The following WDTC1 variants were observed in gnomAD, a reference collection of about 807,000 sequenced individuals.
WDTC1 encodes the protein WD and tetratricopeptide repeats protein 1.
WDTC1 carries 12 observed loss-of-function variants against 76.0 expected under a neutral mutation model. The observed-to-expected ratio is 0.16, with a 90% CI of 0.10 to 0.26. WDTC1 has a LOEUF of 0.26. Among genes scored for constraint, WDTC1 ranks in the 10% least tolerant of loss-of-function variants. The pLI, the probability that WDTC1 is intolerant of heterozygous loss-of-function variation, is 1.00. For missense variants in WDTC1, 511 were observed against 908.8 expected, an observed-to-expected ratio of 0.56 and a Z score of 5.63; for synonymous variants, 326 against 350.8, an observed-to-expected ratio of 0.93 and a Z score of 0.79.
rs1430425549 is a variant in WDTC1 at position 27,298,083 on chromosome 1, C to G, written c.1204C>G (p.Arg402Gly). The G allele has an allele frequency of 6.2e-7, 1 of 1,612,104 alleles. No homozygotes were observed. The highest frequency in any genetic ancestry group is 8.5e-7 in the Non-Finnish European group (1 of 1,178,812). The change falls in exon 12 of 16, where the codon CGA becomes GGA. Residue 402 changes from arginine (R) to glycine (G), a missense_variant. Physicochemically the swap from Arg to Gly is moderately radical, Grantham distance 125. Coordinates refer to ENST00000319394, the MANE Select transcript of WDTC1 (RefSeq NM_001276252.2). ...TCACAATGCCATGCTTTATGGAAAC[C>G]GAGCAGCAGCCTACATGAAGCGCAA... The part of the protein sequence containing the change: ...APHNAMLYGN[R>G]AAAYMKRKWD...
chr1:27,244,844 A>G (rs922568719), intron 1 of WDTC1, among the ~76,000 whole-genome samples: 2 of 152,192 alleles, frequency 1.3e-5, no homozygotes, highest in Admixed American at 6.6e-5. Flanking sequence ...CGTCTCTGCT[A>G]TGGGAGGTAG....
Position 27,267,316 on chromosome 1 carries a change from G to A in WDTC1, c.132+4081G>A, listed in dbSNP as rs577766756. Among the ~76,000 whole-genome samples, 7 of 150,382 alleles carry A rather than the reference G, an allele frequency of 4.7e-5. No individual in the cohort carries two copies. The South Asian group carries it at 8.4e-4, about 18-fold the overall frequency. On this transcript the variant is annotated intron_variant, in intron 3 of 15. Transcript: ENST00000319394. ...AGGCTGTGGTGCAGTGGCCAATCTC[G>A]TCTCAGTGCAACCTCGCCTCCTGGG...
At chr1:27,263,895 A>G (rs927346372) in intron 3 of WDTC1, among the ~76,000 whole-genome samples, 1 of 152,096 alleles carries the variant, frequency 6.6e-6, no homozygotes, top group African/African-American at 2.4e-5. Context: ...ATACATATAC[A>G]TATACATATA....
At chr1:27,264,730 C>G (rs1358447721) in intron 3 of WDTC1, among the ~76,000 whole-genome samples, 2 of 152,088 alleles carry the variant, frequency 1.3e-5, no homozygotes, top group Non-Finnish European at 2.9e-5. Context: ...TCAAACAGGT[C>G]TCTCACCTTG....
intron 1 of WDTC1, among the ~76,000 whole-genome samples, chr1:27,248,780 C>A (rs2011936934): frequency 6.6e-6 from 1 of 152,122 alleles, no homozygotes; most frequent in Non-Finnish European, 1.5e-5. Context: ...CCACCTCAGC[C>A]TCCCAAGTAG....
At chr1:27,268,826 T>C (rs2012761881) in intron 3 of WDTC1, among the ~76,000 whole-genome samples, 1 of 151,608 alleles carries the variant, frequency 6.6e-6, no homozygotes, top group Non-Finnish European at 1.5e-5. Flanking sequence ...GTGATTCTCC[T>C]GCCTCAGCCT....
At chr1:27,250,218 T>C (rs2011994541) in intron 1 of WDTC1, among the ~76,000 whole-genome samples, 1 of 152,156 alleles carries the variant, frequency 6.6e-6, no homozygotes, top group African/African-American at 2.4e-5. Context: ...TAAGAGTCTC[T>C]CTGTATCCTC....
intron 3 of WDTC1, 55 bp downstream of exon 3, chr1:27,263,290 C>G: frequency 1.3e-6 from 2 of 1,558,460 alleles, no homozygotes. Flanking sequence ...CATTCTCTGC[C>G]TGCAGAAATC....
chr1:27,255,318 G>GC (rs1386027341), intron 1 of WDTC1: 1 of 152,104 alleles, frequency 6.6e-6, no homozygotes, highest in Non-Finnish European at 1.5e-5. Context: ...ATGGACTTTG[G>GC]AATCACATGG....
chr1:27,290,574 G>A (rs1423813490), intron 6 of WDTC1, among the ~76,000 whole-genome samples: 2 of 152,172 alleles, frequency 1.3e-5, no homozygotes, highest in African/African-American at 4.8e-5. Flanking sequence ...ATATACCTGG[G>A]AGGGGGCAAG....
At chr1:27,294,880 T>C (rs111978663) in intron 9 of WDTC1, among the ~76,000 whole-genome samples, 21 of 152,242 alleles carry the variant, frequency 1.4e-4, no homozygotes, top group Non-Finnish European at 2.5e-4. Flanking sequence ...GTTAAGAATA[T>C]AGGCTTTGGA....
chr1:27,256,678 AG>A (rs1162324719), intron 1 of WDTC1, among the ~76,000 whole-genome samples: 1 of 152,186 alleles, frequency 6.6e-6, no homozygotes, highest in African/African-American at 2.4e-5. Flanking sequence ...CCTTCCTGCT[AG>A]AATGTAAGTA....
At chr1:27,290,228 C>T (rs571338442) in intron 6 of WDTC1, among the ~76,000 whole-genome samples, 3 of 152,006 alleles carry the variant, frequency 2.0e-5, no homozygotes, top group Non-Finnish European at 2.9e-5. Flanking sequence ...ACTACAGACA[C>T]GCTCCACCAT....
chr1:27,237,707 C>T (rs1226608361), intron 1 of WDTC1, among the ~76,000 whole-genome samples: 2 of 151,740 alleles, frequency 1.3e-5, no homozygotes, highest in Non-Finnish European at 2.9e-5. Context: ...AAAAATTAGC[C>T]GGGCATGGTG....
At chr1:27,260,144 G>T (rs193272549) in intron 1 of WDTC1, among the ~76,000 whole-genome samples, 2 of 151,742 alleles carry the variant, frequency 1.3e-5, no homozygotes, top group African/African-American at 4.8e-5. Flanking sequence ...TCGCTCTGTC[G>T]CCCAGGCTGG....
At chr1:27,257,747 A>C (rs997957681) in intron 1 of WDTC1, among the ~76,000 whole-genome samples, 36 of 151,984 alleles carry the variant, frequency 2.4e-4, no homozygotes, top group Admixed American at 2.4e-3. Context: ...GCAATGCTGA[A>C]TGGTTTCATG....
At chr1:27,285,880 G>A (rs113591456) in intron 5 of WDTC1, among the ~76,000 whole-genome samples, 7 of 151,304 alleles carry the variant, frequency 4.6e-5, no homozygotes, top group African/African-American at 1.2e-4. Context: ...GAGCCACAGC[G>A]CCCAGCCCAG....
intron 3 of WDTC1, among the ~76,000 whole-genome samples, chr1:27,265,322 A>G (rs1377671282): frequency 6.6e-6 from 1 of 152,192 alleles, no homozygotes; most frequent in East Asian, 1.9e-4. Context: ...TAAACTAGAC[A>G]TTAAAGAAGT....
intron 1 of WDTC1, among the ~76,000 whole-genome samples, chr1:27,256,842 G>C (rs976384270): frequency 1.3e-5 from 2 of 152,096 alleles, no homozygotes; most frequent in African/African-American, 4.8e-5. Flanking sequence ...CATAGTAAGT[G>C]CTTAATATTT....
Sources: gnomAD v4.1 joint callset for allele counts (sites outside exome capture counted in the v4.1 genomes callset) on GRCh38, gnomAD v4.1.1 for gene constraint, MANE v1.5 for transcripts, NCBI Gene and HGNC (gene_info 2026-07-23, HGNC 2026-07-21) for gene names.